Variants in ADAMTS9 observed in about 807,000 individuals in gnomAD.
ADAMTS9 encodes ADAM metallopeptidase with thrombospondin type 1 motif 9, also known as A disintegrin and metalloproteinase with thrombospondin motifs 9.
Under a neutral mutation model 257.1 loss-of-function variants are expected in ADAMTS9, and 107 were observed. The ratio of observed to expected loss-of-function variants is 0.42; its 90% CI spans 0.36 to 0.49. The LOEUF is 0.49. Ranked by LOEUF, ADAMTS9 falls within the 20% of genes least tolerant of loss-of-function variation. The probability of loss-of-function intolerance (pLI) is 0.03; values close to 1 mark genes in which losing one functional copy is unlikely to be tolerated. For missense variants in ADAMTS9, 2,353 were observed against 2,469.1 expected (o/e 0.95, Z 1.00); for synonymous variants, 982 against 880.9 (o/e 1.11, Z -2.03).
intron 12 of ADAMTS9, among the ~76,000 whole-genome samples, chr3:64,635,640 C>G (rs1182112297): frequency 6.6e-6 from 1 of 152,194 alleles, no homozygotes; most frequent in Non-Finnish European, 1.5e-5. Flanking sequence ...TAGAGAAGTA[C>G]TTTGCCCAAA....
intron 29 of ADAMTS9, among the ~76,000 whole-genome samples, chr3:64,562,499 T>G (rs1559765257): frequency 6.6e-6 from 1 of 152,248 alleles, no homozygotes; most frequent in Non-Finnish European, 1.5e-5. Flanking sequence ...AATTAATTTT[T>G]TAATGGTTTC....
chr3:64,618,578 T>C (rs1700024300), intron 19 of ADAMTS9, among the ~76,000 whole-genome samples: 1 of 152,200 alleles, frequency 6.6e-6, no homozygotes, highest in Non-Finnish European at 1.5e-5. Flanking sequence ...TCACTAAGCC[T>C]CAGTTTCCTC....
chr3:64,686,218 T>C lies in ADAMTS9; in HGVS notation c.516+350A>G, dbSNP rs1701902371. 6.6e-6 allele frequency among the ~76,000 whole-genome samples: 1 copy of C among 152,094 alleles called. No homozygotes were observed. The highest frequency in any genetic ancestry group is 2.1e-4 in the South Asian group (1 of 4,818). ...TGCGCTCAGCGGCTCCGCTCCCGGG[T>C]GGCCAAGTTTGCTGCAGGGAACCGC... is the stretch of plus-strand genomic sequence containing the variant. On this transcript the variant is annotated intron_variant, in intron 2 of 39. Coordinates refer to ENST00000498707, the MANE Select transcript of ADAMTS9 (RefSeq NM_182920.2). The surrounding 1 kb of genome is among the most constrained non-coding windows in gnomAD (Gnocchi z 4.6).
intron 16 of ADAMTS9, among the ~76,000 whole-genome samples, chr3:64,629,710 C>G (rs145828716): frequency 6.6e-6 from 1 of 152,204 alleles, no homozygotes; most frequent in African/African-American, 2.4e-5. Context: ...TAAAAAGTAA[C>G]GTCCAAGAAG....
intron 3 of ADAMTS9, among the ~76,000 whole-genome samples, chr3:64,661,690 C>G (rs991723173): frequency 2.0e-5 from 3 of 152,036 alleles, no homozygotes; most frequent in Admixed American, 6.6e-5. Context: ...AAAGACAGTG[C>G]CTGGTGGATA....
intron 39 of ADAMTS9, among the ~76,000 whole-genome samples, chr3:64,517,416 G>GTTTTTTGTTTT (rs2082789402): frequency 1.9e-5 from 1 of 52,640 alleles, no homozygotes; most frequent in African/African-American, 5.3e-5. Context: ...ATTAAAAATG[G>GTTTTTTGTTTT]TTTTTTTTTT....
intron 25 of ADAMTS9, 41 bp from the exon 26 acceptor site, chr3:64,602,254 G>A (rs746255087): frequency 3.1e-6 from 5 of 1,598,932 alleles, no homozygotes; most frequent in Admixed American, 1.7e-5. Flanking sequence ...CAGTCATTTG[G>A]TGGAGGGGTT....
intron 28 of ADAMTS9, among the ~76,000 whole-genome samples, chr3:64,572,089 T>C (rs939933379): frequency 5.9e-5 from 9 of 152,210 alleles, no homozygotes. Flanking sequence ...CTCTGACTTT[T>C]TTTTCTTGGG....
At chr3:64,571,385 T>C (rs1269181102) in intron 28 of ADAMTS9, among the ~76,000 whole-genome samples, 2 of 152,202 alleles carry the variant, frequency 1.3e-5, no homozygotes, top group Non-Finnish European at 2.9e-5. Flanking sequence ...AATGAATACA[T>C]TTCTGTTGGA....
At chr3:64,531,709 C>A (rs2082983713) in intron 38 of ADAMTS9, among the ~76,000 whole-genome samples, 1 of 152,156 alleles carries the variant, frequency 6.6e-6, no homozygotes, top group Non-Finnish European at 1.5e-5. Context: ...TCAGGCGATC[C>A]TCACTGTGTA....
chr3:64,543,757 G>A (rs1172976792), intron 32 of ADAMTS9, among the ~76,000 whole-genome samples: 2 of 152,208 alleles, frequency 1.3e-5, no homozygotes, highest in Non-Finnish European at 2.9e-5. Flanking sequence ...AGTGTTGGAA[G>A]TTCTGGCCAG....
chr3:64,602,318 T>C, intron 25 of ADAMTS9, 105 bp from the exon 26 acceptor site: 1 of 1,381,406 alleles, frequency 7.2e-7, no homozygotes, highest in Admixed American at 1.9e-5. Flanking sequence ...CCCAAATTGC[T>C]CAGGCCAAAA....
At chr3:64,660,985 G>A (rs1701207071) in intron 3 of ADAMTS9, among the ~76,000 whole-genome samples, 1 of 152,196 alleles carries the variant, frequency 6.6e-6, no homozygotes, top group South Asian at 2.1e-4. Context: ...AAGATGGAAA[G>A]GCATTAAATT....
In ADAMTS9 at chr3:64,613,638, T is replaced by A. The variant is rs144276111; in HGVS notation, c.3190-129A>T. 4.7e-6 allele frequency: 4 copies of A among 845,108 alleles called. No homozygotes were observed. In the Admixed American group the frequency reaches 1.4e-4, roughly 30 times the overall value. The allele number at this position is 845,108 out of a possible 1,614,324, so 52.4% of individuals were successfully genotyped here. A position where few individuals can be genotyped will look rare whatever the true frequency, so the allele number is the denominator to read the frequency against. On this transcript the variant is annotated intron_variant, in intron 21 of 39. Coordinates refer to ENST00000498707, the MANE Select transcript of ADAMTS9 (RefSeq NM_182920.2). Reference sequence around the variant, plus strand: ...GCAATCACTCTCCCATAGCAATTTGTAAATATACTAAGCCTCATTTTTTTC... The same window carrying A: ...GCAATCACTCTCCCATAGCAATTTGAAAATATACTAAGCCTCATTTTTTTC...
intron 23 of ADAMTS9, among the ~76,000 whole-genome samples, 180 bp from the exon 24 acceptor site, chr3:64,604,511 A>G (rs1423639786): frequency 6.6e-6 from 1 of 152,210 alleles, no homozygotes; most frequent in Non-Finnish European, 1.5e-5. Flanking sequence ...AAAATGAGAT[A>G]TAATCTTAGT....
intron 22 of ADAMTS9, among the ~76,000 whole-genome samples, chr3:64,612,251 G>A (rs909945315): frequency 2.6e-5 from 4 of 152,186 alleles, no homozygotes; most frequent in Non-Finnish European, 5.9e-5. Flanking sequence ...ATGGCCTGGT[G>A]TAGAGACAGA....
intron 37 of ADAMTS9, among the ~76,000 whole-genome samples, chr3:64,537,132 T>A (rs999898439): frequency 1.3e-5 from 2 of 152,180 alleles, no homozygotes; most frequent in African/African-American, 4.8e-5. Flanking sequence ...AAGTACCCAA[T>A]ATGGTTTGAA....
At chr3:64,661,259 C>T (rs62247618) in intron 3 of ADAMTS9, among the ~76,000 whole-genome samples, 17,251 of 152,132 alleles carry the variant, frequency 0.11, 1,226 homozygotes, top group Admixed American at 0.18. Context: ...TATATGTATA[C>T]CAATGCCAAT....
intron 16 of ADAMTS9, among the ~76,000 whole-genome samples, chr3:64,628,178 C>T (rs899644464): frequency 6.6e-6 from 1 of 152,154 alleles, no homozygotes; most frequent in South Asian, 2.1e-4. Context: ...TTGCCTGTGC[C>T]AGATGACAAA....
Sources: allele counts gnomAD v4.1 joint callset (sites outside exome capture counted in the v4.1 genomes callset), GRCh38; gene constraint gnomAD v4.1.1; non-coding constraint Gnocchi (gnomAD v3.1); transcripts MANE v1.5; gene names NCBI Gene and HGNC (gene_info 2026-07-23, HGNC 2026-07-21).